The following KIF26B variants were observed in gnomAD, a reference collection of about 807,000 sequenced individuals.
KIF26B encodes the protein kinesin family member 26B.
A neutral mutation model predicts 151.2 loss-of-function variants in KIF26B; 63 were observed. The observed-to-expected ratio is 0.42, with a 90% CI of 0.34 to 0.51. The LOEUF is 0.51. KIF26B is among the 20% of genes least tolerant of loss of function. The probability of loss-of-function intolerance (pLI) is 0.07; values close to 1 mark genes in which losing one functional copy is unlikely to be tolerated. For missense variants in KIF26B, 2,813 were observed against 2,913.6 expected (o/e 0.97, Z 0.79); for synonymous variants, 1,357 against 1,262.1 (o/e 1.08, Z -1.59).
intron 2 of KIF26B, among the ~76,000 whole-genome samples, chr1:245,365,976 A>G (rs1315467474): frequency 6.6e-6 from 1 of 152,240 alleles, no homozygotes. Flanking sequence ...CACTGAATCC[A>G]TTAAATGCTT....
At chr1:245,565,492 G>T (rs929608344) in intron 5 of KIF26B, among the ~76,000 whole-genome samples, 1 of 152,006 alleles carries the variant, frequency 6.6e-6, no homozygotes, top group Non-Finnish European at 1.5e-5. Context: ...GTCTCACTAC[G>T]TTGGCCAGGC....
At chr1:245,275,308 T>C (rs930304519) in intron 2 of KIF26B, among the ~76,000 whole-genome samples, 1 of 152,186 alleles carries the variant, frequency 6.6e-6, no homozygotes, top group African/African-American at 2.4e-5. Context: ...TAGTTTCTTT[T>C]GCTGTGCAGA....
chr1:245,429,929 T>A (rs570783788), intron 4 of KIF26B, among the ~76,000 whole-genome samples: 1 of 152,214 alleles, frequency 6.6e-6, no homozygotes, highest in South Asian at 2.1e-4. Context: ...TGTTGTTTTA[T>A]AGCCCTAGAA....
intron 5 of KIF26B, among the ~76,000 whole-genome samples, chr1:245,543,912 T>C (rs1661680873): frequency 6.6e-6 from 1 of 152,042 alleles, no homozygotes; most frequent in Non-Finnish European, 1.5e-5. Context: ...CGCGCCACTG[T>C]ACTCCAGCCT....
chr1:245,590,644 A>T (rs6677087), intron 5 of KIF26B, among the ~76,000 whole-genome samples: 32,148 of 152,144 alleles, frequency 0.21, 3,794 homozygotes, highest in East Asian at 0.37. Flanking sequence ...ACGGTGGCTC[A>T]CGCCTGTATT....
intron 2 of KIF26B, among the ~76,000 whole-genome samples, chr1:245,354,673 T>G (rs1672644393): frequency 6.6e-6 from 1 of 152,198 alleles, no homozygotes; most frequent in Non-Finnish European, 1.5e-5. Context: ...AGCCACCACT[T>G]CTAACCCCAT....
intron 4 of KIF26B, among the ~76,000 whole-genome samples, chr1:245,474,201 C>T (rs1235580751): frequency 1.1e-4 from 17 of 148,426 alleles, no homozygotes; most frequent in African/African-American, 2.7e-4. Flanking sequence ...CTCTGCCTCC[C>T]GGGTTCAAGT....
At chr1:245,436,371 A>C (rs1658932410) in intron 4 of KIF26B, among the ~76,000 whole-genome samples, 1 of 152,182 alleles carries the variant, frequency 6.6e-6, no homozygotes, top group Non-Finnish European at 1.5e-5. Context: ...CCTGGTTGTC[A>C]GCAGTGGCAG....
intron 14 of KIF26B, among the ~76,000 whole-genome samples, chr1:245,701,149 C>CTGTG (rs1156621009): frequency 2.6e-5 from 4 of 152,092 alleles, no homozygotes; most frequent in Non-Finnish European, 5.9e-5. Context: ...TCAAAAATCA[C>CTGTG]TGTGTTTTTG....
intron 3 of KIF26B, among the ~76,000 whole-genome samples, chr1:245,414,028 T>C (rs1410391925): frequency 2.0e-5 from 3 of 152,214 alleles, no homozygotes. Flanking sequence ...GAGGGATCTG[T>C]ATGCATCCAG....
Position 245,358,491 on chromosome 1 carries a change from G to A in KIF26B, c.466-8343G>A, listed in dbSNP as rs1213414739. On this transcript the variant is annotated intron_variant, in intron 2 of 14. Coordinates refer to ENST00000407071, the MANE Select transcript of KIF26B (RefSeq NM_018012.4). The surrounding 1 kb of genome is among the most constrained non-coding windows in gnomAD (Gnocchi z 4.1). The stretch of plus-strand genomic sequence containing the variant: ...GCCGAGATCGCGCCACTGTACTCCA[G>A]CCTGGGCTACAGAGTGAGACTCCGT... 6.6e-6 allele frequency among the ~76,000 whole-genome samples: 1 copy of A among 152,160 alleles called. No individual in the cohort carries two copies. Among genetic ancestry groups the A allele is most frequent in the African/African-American group, 2.4e-5 (1 of 41,428 alleles).
intron 4 of KIF26B, among the ~76,000 whole-genome samples, chr1:245,480,780 T>A (rs61691481): frequency 3.5e-5 from 5 of 143,404 alleles, no homozygotes; most frequent in African/African-American, 5.0e-5. Flanking sequence ...TTTAAAATGT[T>A]AAAAAAAAAA....
At chr1:245,179,189 G>A (rs946500635) in intron 2 of KIF26B, among the ~76,000 whole-genome samples, 2 of 152,102 alleles carry the variant, frequency 1.3e-5, no homozygotes, top group Admixed American at 6.5e-5. Flanking sequence ...AAATAAAATA[G>A]CGTTTGAAAT....
At chr1:245,558,683 T>G (rs1662095588) in intron 5 of KIF26B, among the ~76,000 whole-genome samples, 1 of 152,244 alleles carries the variant, frequency 6.6e-6, no homozygotes, top group South Asian at 2.1e-4. Flanking sequence ...CAGGGCATCC[T>G]GCCTGCCCTC....
intron 4 of KIF26B, among the ~76,000 whole-genome samples, chr1:245,434,939 CT>C (rs1658867904): frequency 6.6e-6 from 1 of 152,040 alleles, no homozygotes; most frequent in Non-Finnish European, 1.5e-5. Flanking sequence ...TCTGAGGGAA[CT>C]TGGTATAAGA....
At chr1:245,577,670 C>A (rs1157499000) in intron 5 of KIF26B, among the ~76,000 whole-genome samples, 1 of 143,120 alleles carries the variant, frequency 7.0e-6, no homozygotes, top group African/African-American at 2.7e-5. Flanking sequence ...CATCTCCTCA[C>A]CGGAAGAGCT....
intron 2 of KIF26B, among the ~76,000 whole-genome samples, chr1:245,309,103 G>A (rs778355355): frequency 6.6e-6 from 1 of 152,196 alleles, no homozygotes; most frequent in Non-Finnish European, 1.5e-5. Context: ...AATGTGCATT[G>A]TGCTCTAGAG....
chr1:245,690,438 C>A (rs2044609369), intron 12 of KIF26B, among the ~76,000 whole-genome samples: 1 of 152,238 alleles, frequency 6.6e-6, no homozygotes, highest in Non-Finnish European at 1.5e-5. Flanking sequence ...GCAACTGCCC[C>A]ACAGGCTTGT....
In KIF26B at chr1:245,688,924, C is replaced by T. The variant is rs1378100125; in HGVS notation, c.5824+117C>T. On this transcript the variant is annotated intron_variant, in intron 12 of 14. Coordinates refer to ENST00000407071, the MANE Select transcript of KIF26B (RefSeq NM_018012.4). ...AGGGGGCGTCCAGGCCTGGCCTCTCCTTGCAGGTGGGCGAACTGCCCAAAC... is the reference window on the plus strand; with the variant it reads ...AGGGGGCGTCCAGGCCTGGCCTCTCTTTGCAGGTGGGCGAACTGCCCAAAC... 5 of 1,314,366 alleles carry T rather than the reference C, an allele frequency of 3.8e-6. No individual in the cohort carries two copies. In the African/African-American group the frequency reaches 8.0e-5, roughly 21 times the overall value. 81.4% of individuals were successfully genotyped at this position (1,314,366 alleles called of 1,614,324 possible).
Sources: gnomAD v4.1 joint callset for allele counts (sites outside exome capture counted in the v4.1 genomes callset) on GRCh38, gnomAD v4.1.1 for gene constraint, Gnocchi (gnomAD v3.1) non-coding constraint, MANE v1.5 for transcripts, NCBI Gene and HGNC (gene_info 2026-07-23, HGNC 2026-07-21) for gene names.